IKZF2: variants seen among roughly 807,000 people sequenced by gnomAD.
The protein encoded by IKZF2 is zinc finger protein Helios.
IKZF2 carries 15 observed loss-of-function variants against 49.2 expected under a neutral mutation model. The observed-to-expected ratio is 0.30, with a 90% CI of 0.20 to 0.47. The LOEUF (loss-of-function observed/expected upper bound fraction) is 0.47, where lower values mean the gene tolerates loss of function less well. Among genes scored for constraint, IKZF2 ranks in the 20% least tolerant of loss-of-function variants. The probability of loss-of-function intolerance (pLI) is 1.00; values close to 1 mark genes in which losing one functional copy is unlikely to be tolerated. For synonymous variants in IKZF2, 227 were observed against 221.4 expected (o/e 1.03, Z -0.23); for missense variants, 567 against 664.6 (o/e 0.85, Z 1.61).
intron 2 of IKZF2, among the ~76,000 whole-genome samples, chr2:213,149,470 T>C (rs1368265357): frequency 1.3e-5 from 2 of 152,158 alleles, no homozygotes; most frequent in East Asian, 3.8e-4. Context: ...ATTCACATAA[T>C]GAAAAGATCG....
Position 213,057,230 on chromosome 2 carries a change from G to A in IKZF2, c.140-131C>T, listed in dbSNP as rs1482035077. 3.9e-5 allele frequency: 31 copies of A among 794,332 alleles called. No homozygotes were observed. The East Asian group carries it at 4.6e-4, about 12-fold the overall frequency. The allele number at this position is 794,332 out of a possible 1,614,324, so 49.2% of individuals were successfully genotyped here. ...ATAAAGTAGAATAGAGTTCATCATC[G>A]AATGCCATGTTAATACATACTGTGT... On this transcript the variant is annotated intron_variant, in intron 4 of 8. Coordinates refer to ENST00000434687, the MANE Select transcript of IKZF2 (RefSeq NM_001387220.1).
rs774979216 is a variant in IKZF2 at position 213,005,191 on chromosome 2, T to TGGC, written c.*2168_*2169insGCC. On this transcript the variant is annotated 3_prime_UTR_variant, in exon 9 of 9. Transcript: ENST00000434687. The stretch of plus-strand genomic sequence containing the variant: ...CAATTATTATTTGGGAGTGGTTGGG[T>TGGC]GGGGGGGGGTGAGCGAGTCTCAAAA... The TGGC allele has an allele frequency of 1.8e-4, 14 of 76,786 alleles. 1 individual carries two copies. The highest frequency in any genetic ancestry group is 1.0e-3 in the South Asian group (2 of 1,992). 4.8% of individuals were successfully genotyped at this position (76,786 alleles called of 1,614,324 possible).
intron 4 of IKZF2, among the ~76,000 whole-genome samples, chr2:213,108,736 A>G (rs2059610397): frequency 6.6e-6 from 1 of 152,186 alleles, no homozygotes; most frequent in Non-Finnish European, 1.5e-5. Flanking sequence ...CGAAGAATAC[A>G]TAAACATAAA....
chr2:213,003,295 T>C lies in IKZF2; in HGVS notation c.*4065A>G, dbSNP rs1198888434. 1 of 152,084 alleles carries C rather than the reference T, an allele frequency of 6.6e-6. No individual in the cohort carries two copies. The highest frequency in any genetic ancestry group is 1.5e-5 in the Non-Finnish European group (1 of 67,666). The allele number at this position is 152,084 out of a possible 1,614,324, so 9.4% of individuals were successfully genotyped here. ...TAATTATTTTGCAGAAACTGGAGAA[T>C]TAAAAATATGTCTAAGATAACTTTC... On this transcript the variant is annotated 3_prime_UTR_variant, in exon 9 of 9. Coordinates refer to ENST00000434687, the MANE Select transcript of IKZF2 (RefSeq NM_001387220.1).
At chr2:213,053,671 T>C (rs1370611918) in intron 5 of IKZF2, among the ~76,000 whole-genome samples, 1 of 152,204 alleles carries the variant, frequency 6.6e-6, no homozygotes, top group Non-Finnish European at 1.5e-5. Context: ...GAATTCTATA[T>C]GTATAATGTC....
intron 4 of IKZF2, among the ~76,000 whole-genome samples, chr2:213,090,047 C>T (rs2125633194): frequency 6.6e-6 from 1 of 152,284 alleles, no homozygotes; most frequent in South Asian, 2.1e-4. Flanking sequence ...GACTCAAGCA[C>T]TGATTTTCTC....
At chr2:213,124,441 A>T (rs1479226592) in intron 4 of IKZF2, among the ~76,000 whole-genome samples, 2 of 152,138 alleles carry the variant, frequency 1.3e-5, no homozygotes, top group Non-Finnish European at 2.9e-5. Context: ...CTGCCTAGGG[A>T]TTATCTTTAG....
At chr2:213,144,883 C>T (rs1017354025) in intron 4 of IKZF2, among the ~76,000 whole-genome samples, 5 of 152,016 alleles carry the variant, frequency 3.3e-5, no homozygotes, top group African/African-American at 9.6e-5. Flanking sequence ...ATCTTAGATG[C>T]TAAATTTTAA....
At chr2:213,098,715 C>G (rs1706301546) in intron 4 of IKZF2, among the ~76,000 whole-genome samples, 1 of 152,154 alleles carries the variant, frequency 6.6e-6, no homozygotes. Context: ...GATGGGCAGA[C>G]AGTTTCCAAA....
chr2:213,018,285 C>T (rs974216547), intron 7 of IKZF2, among the ~76,000 whole-genome samples: 1 of 151,938 alleles, frequency 6.6e-6, no homozygotes, highest in East Asian at 1.9e-4. Context: ...AATAAATAAG[C>T]TCATCAAACC....
intron 4 of IKZF2, among the ~76,000 whole-genome samples, chr2:213,110,028 T>A (rs1451453396): frequency 6.6e-6 from 1 of 152,032 alleles, no homozygotes; most frequent in Non-Finnish European, 1.5e-5. Context: ...GGAATCTACA[T>A]CTAAATTGGG....
At chr2:213,119,745 A>G (rs193187202) in intron 4 of IKZF2, among the ~76,000 whole-genome samples, 2 of 152,270 alleles carry the variant, frequency 1.3e-5, no homozygotes, top group Admixed American at 1.3e-4. Flanking sequence ...TCGGGTTCAG[A>G]GGTCACCATC....
intron 4 of IKZF2, among the ~76,000 whole-genome samples, chr2:213,072,259 G>A (rs1170646903): frequency 4.7e-5 from 7 of 148,662 alleles, no homozygotes; most frequent in Non-Finnish European, 7.4e-5. Flanking sequence ...TCACTAATTG[G>A]TCAAAAAAAA....
rs552246363 is a variant in IKZF2 at position 213,063,007 on chromosome 2, T to A, written c.140-5908A>T. On this transcript the variant is annotated intron_variant, in intron 4 of 8. Coordinates refer to ENST00000434687, the MANE Select transcript of IKZF2 (RefSeq NM_001387220.1). Reference sequence around the variant, plus strand: ...AACAAAGGTATATGCAATCATTTTTTAATATCCTCAGCAAAATTTCATGCA... The same window carrying A: ...AACAAAGGTATATGCAATCATTTTTAAATATCCTCAGCAAAATTTCATGCA... Among the ~76,000 whole-genome samples, 97 of 152,196 alleles carry A rather than the reference T, an allele frequency of 6.4e-4. 1 individual carries two copies. The highest frequency in any genetic ancestry group is 2.2e-3 in the African/African-American group (93 of 41,568).
At chr2:213,046,813 A>G (rs2125310803) in intron 6 of IKZF2, among the ~76,000 whole-genome samples, 1 of 152,164 alleles carries the variant, frequency 6.6e-6, no homozygotes, top group South Asian at 2.1e-4. Context: ...GAAGGGGGTA[A>G]TCTCATGAAT....
intron 6 of IKZF2, among the ~76,000 whole-genome samples, chr2:213,030,337 A>G (rs1179830246): frequency 6.6e-6 from 1 of 152,128 alleles, no homozygotes; most frequent in East Asian, 1.9e-4. Context: ...TAAGTGGGAA[A>G]AGAATATTTT....
At chr2:213,017,870 T>A (rs1696786301) in intron 7 of IKZF2, among the ~76,000 whole-genome samples, 1 of 152,172 alleles carries the variant, frequency 6.6e-6, no homozygotes, top group African/African-American at 2.4e-5. Context: ...TTGCATTCTG[T>A]TGTATTTGTG....
chr2:213,146,153 T>C (rs1466156280), intron 4 of IKZF2, among the ~76,000 whole-genome samples: 6 of 152,098 alleles, frequency 3.9e-5, no homozygotes, highest in Non-Finnish European at 5.9e-5. Flanking sequence ...AGCTAACTAA[T>C]AGAAACTACA....
At chr2:213,121,972 A>G (rs566375555) in intron 4 of IKZF2, among the ~76,000 whole-genome samples, 68 of 152,304 alleles carry the variant, frequency 4.5e-4, no homozygotes, top group Non-Finnish European at 8.1e-4. Flanking sequence ...AATAATAGAG[A>G]GTGTAATAAA....
Sources: allele counts gnomAD v4.1 joint callset (sites outside exome capture counted in the v4.1 genomes callset), GRCh38; gene constraint gnomAD v4.1.1; transcripts MANE v1.5; gene names NCBI Gene and HGNC (gene_info 2026-07-23, HGNC 2026-07-21).